The following STAU2 variants were observed in gnomAD, a reference collection of about 807,000 sequenced individuals.
STAU2 encodes the protein staufen double-stranded RNA binding protein 2, also known as double-stranded RNA-binding protein Staufen homolog 2.
STAU2 carries 20 observed loss-of-function variants against 65.9 expected under a neutral mutation model. The observed-to-expected ratio is 0.30, with a 90% CI of 0.21 to 0.44. STAU2 has a LOEUF of 0.44. Ranked by LOEUF, STAU2 falls within the 20% of genes least tolerant of loss-of-function variation. The pLI is 1.00. For synonymous variants in STAU2, 232 were observed against 233.9 expected (o/e 0.99, Z 0.07); for missense variants, 558 against 683.9 (o/e 0.82, Z 2.05).
intron 13 of STAU2, among the ~76,000 whole-genome samples, chr8:73,512,410 CTTTAA>C (rs1822457305): frequency 6.6e-6 from 1 of 152,094 alleles, no homozygotes; most frequent in South Asian, 2.1e-4. Flanking sequence ...TGTTTTAGAT[CTTTAA>C]TTTCTTTTAG....
intron 6 of STAU2, among the ~76,000 whole-genome samples, chr8:73,643,262 C>A (rs1256082047): frequency 6.6e-6 from 1 of 152,170 alleles, no homozygotes; most frequent in East Asian, 1.9e-4. Flanking sequence ...GCAGCTATAG[C>A]CTTTAATTAA....
intron 6 of STAU2, among the ~76,000 whole-genome samples, chr8:73,637,476 G>GAAAAAA (rs1814615511): frequency 3.3e-4 from 1 of 3,008 alleles, no homozygotes; most frequent in Non-Finnish European, 6.9e-4. Context: ...AGTGCTGAAA[G>GAAAAAA]TAAAAAAAAA....
At chr8:73,733,101 G>T (rs151136429) in intron 3 of STAU2, among the ~76,000 whole-genome samples, 2 of 149,446 alleles carry the variant, frequency 1.3e-5, no homozygotes, top group African/African-American at 4.9e-5. Context: ...CTACTCCTTC[G>T]ACACGGAAAA....
intron 13 of STAU2, among the ~76,000 whole-genome samples, chr8:73,541,952 G>T (rs1429764162): frequency 6.6e-6 from 1 of 152,008 alleles, no homozygotes; most frequent in East Asian, 1.9e-4. Context: ...GAGAATAACA[G>T]GAGATTTAAC....
chr8:73,496,030 A>G (rs1017234895), intron 13 of STAU2, among the ~76,000 whole-genome samples: 6 of 151,722 alleles, frequency 4.0e-5, no homozygotes, highest in African/African-American at 1.2e-4. Context: ...GATTATACAG[A>G]TGTCTGCCTC....
intron 13 of STAU2, among the ~76,000 whole-genome samples, chr8:73,546,045 A>C (rs4430086): frequency 0.043 from 5,403 of 126,430 alleles, 276 homozygotes; most frequent in Admixed American, 0.15. Context: ...TGGTTCAAGC[A>C]CTTCTCCTGC....
chr8:73,669,536 C>T (rs1817502211), intron 6 of STAU2, among the ~76,000 whole-genome samples: 1 of 152,200 alleles, frequency 6.6e-6, no homozygotes, highest in Non-Finnish European at 1.5e-5. Context: ...ACTAACTCCT[C>T]TCTCCCTTGG....
At chr8:73,482,220 G>A (rs963699784) in intron 13 of STAU2, among the ~76,000 whole-genome samples, 3 of 151,878 alleles carry the variant, frequency 2.0e-5, no homozygotes, top group African/African-American at 7.3e-5. Flanking sequence ...GGAGTCTCTT[G>A]GTGAGCTGGC....
At chr8:73,631,449 A>G (rs1490522784) in intron 6 of STAU2, among the ~76,000 whole-genome samples, 1 of 152,158 alleles carries the variant, frequency 6.6e-6, no homozygotes, top group Non-Finnish European at 1.5e-5. Context: ...TGCAGAAGAT[A>G]AGCTGATAAA....
intron 13 of STAU2, chr8:73,551,375 T>G (rs997943000): frequency 7.7e-5 from 76 of 986,974 alleles, no homozygotes; most frequent in Non-Finnish European, 8.4e-5. Context: ...GTTGGTACTA[T>G]CTGAGGCAGG....
chr8:73,616,380 C>T (rs1812835338), intron 7 of STAU2, among the ~76,000 whole-genome samples: 1 of 152,046 alleles, frequency 6.6e-6, no homozygotes, highest in African/African-American at 2.4e-5. Context: ...TAGATAGGAG[C>T]TCTCATGAAA....
intron 4 of STAU2, among the ~76,000 whole-genome samples, chr8:73,689,100 T>C (rs1467673367): frequency 6.6e-6 from 1 of 152,208 alleles, no homozygotes; most frequent in East Asian, 1.9e-4. Context: ...ACAATGTTAA[T>C]GTCATTCAAA....
chr8:73,469,555 C>T (rs796211434), intron 13 of STAU2, among the ~76,000 whole-genome samples: 8 of 151,704 alleles, frequency 5.3e-5, no homozygotes, highest in African/African-American at 1.7e-4. Flanking sequence ...TGGTAGGAGG[C>T]CTATTCGGCA....
chr8:73,588,368 T>C (rs1810526370), intron 11 of STAU2, among the ~76,000 whole-genome samples: 1 of 152,210 alleles, frequency 6.6e-6, no homozygotes, highest in South Asian at 2.1e-4. Flanking sequence ...TGAGCTAGCA[T>C]GATAGTTTAG....
chr8:73,571,658 A>G (rs1020011638), intron 12 of STAU2, among the ~76,000 whole-genome samples: 1 of 152,242 alleles, frequency 6.6e-6, no homozygotes, highest in Non-Finnish European at 1.5e-5. Context: ...CTGGGTACAT[A>G]ACGAAATGAA....
At position 73,607,495 on chromosome 8, in the gene STAU2, C is replaced by T. The variant is rs1041727311; in HGVS notation, c.892-3632G>A. 1.6e-4 allele frequency among the ~76,000 whole-genome samples: 24 copies of T among 151,874 alleles called. No homozygotes were observed. In the Middle Eastern group the frequency reaches 0.01, roughly 65 times the overall value. ...CTGTAATCTCAGCACTTTGGGAGGCCGAGGCGGGCAGATCACCTGAGGTCG... is the reference window on the plus strand; with the variant it reads ...CTGTAATCTCAGCACTTTGGGAGGCTGAGGCGGGCAGATCACCTGAGGTCG... On this transcript the variant is annotated intron_variant, in intron 9 of 14. Coordinates refer to ENST00000524300, the MANE Select transcript of STAU2 (RefSeq NM_001164380.2).
chr8:73,434,374 A>G (rs1046181491), intron 13 of STAU2, among the ~76,000 whole-genome samples: 2 of 151,828 alleles, frequency 1.3e-5, no homozygotes, highest in African/African-American at 4.9e-5. Context: ...TGGCCTACAG[A>G]ATTCCAAGAT....
chr8:73,747,225 C>T (rs1807351861), upstream of STAU2: 3 of 805,950 alleles, frequency 3.7e-6, no homozygotes, highest in East Asian at 9.5e-5. Flanking sequence ...GCGCCCGGTC[C>T]GCAGTCTCCT....
At chr8:73,522,729 C>T (rs1439451502) in intron 13 of STAU2, among the ~76,000 whole-genome samples, 3 of 152,214 alleles carry the variant, frequency 2.0e-5, no homozygotes, top group East Asian at 3.9e-4. Context: ...ATGAGAATGT[C>T]AAAACATTCT....
Sources: allele counts gnomAD v4.1 joint callset (sites outside exome capture counted in the v4.1 genomes callset), GRCh38; gene constraint gnomAD v4.1.1; transcripts MANE v1.5; gene names NCBI Gene and HGNC (gene_info 2026-07-23, HGNC 2026-07-21).